The following ATP2A3 variants were observed in gnomAD, a reference collection of about 807,000 sequenced individuals.
ATP2A3 encodes sarcoplasmic/endoplasmic reticulum calcium ATPase 3.
In ATP2A3, 61 loss-of-function variants were observed where a neutral mutation model predicts 106.8. The ratio of observed to expected loss-of-function variants is 0.57; its 90% CI spans 0.46 to 0.71. ATP2A3 has a LOEUF of 0.71. ATP2A3 is among the 30% of genes least tolerant of loss of function. ATP2A3 has a pLI of 0.00. For synonymous variants in ATP2A3, 611 were observed against 609.3 expected (o/e 1.00, Z -0.04); for missense variants, 1,201 against 1,423.5 (o/e 0.84, Z 2.52).
chr17:3,930,678 G>A lies in ATP2A3; in HGVS notation c.2611-244C>T, dbSNP rs35443604. 88,461 of 585,436 alleles carry A rather than the reference G, an allele frequency of 0.15. 10,342 individuals are homozygous for A. The highest frequency in any genetic ancestry group is 0.46 in the African/African-American group (24,343 of 53,246). The allele number at this position is 585,436 out of a possible 1,614,324, so 36.3% of individuals were successfully genotyped here. ...GAAAGGCAGACGTTCTGGAGCAGGA[G>A]TGCAGCGGCTCAGAAGGAGAACAGC... On this transcript the variant is annotated intron_variant, in intron 17 of 20. Transcript: ENST00000397041. The surrounding 1 kb of genome is among the most constrained non-coding windows in gnomAD (Gnocchi z 5.4).
At chr17:3,956,248 C>G (rs1454589691) in intron 1 of ATP2A3, among the ~76,000 whole-genome samples, 1 of 152,208 alleles carries the variant, frequency 6.6e-6, no homozygotes, top group Non-Finnish European at 1.5e-5. Flanking sequence ...CACCCTGACC[C>G]AGGATCCAGT....
At chr17:3,950,657 G>T in intron 6 of ATP2A3, 36 bp downstream of exon 6, 1 of 1,613,374 alleles carries the variant, frequency 6.2e-7, no homozygotes, top group Non-Finnish European at 8.5e-7. Context: ...CTTAGTCCTG[G>T]CCCACTAGGT....
Position 3,929,303 on chromosome 17 carries a change from C to A in ATP2A3, c.2862+25G>T. On this transcript the variant is annotated intron_variant, in intron 19 of 20. Transcript: ENST00000397041. The surrounding 1 kb of genome is among the most constrained non-coding windows in gnomAD (Gnocchi z 4.3). Reference sequence around the variant, plus strand: ...GGCCTGTGATGTCCAGGGACCAGGGCAGTGGGGCAGGCGGGGTGACTCACA... The same window carrying A: ...GGCCTGTGATGTCCAGGGACCAGGGAAGTGGGGCAGGCGGGGTGACTCACA... 1.3e-6 allele frequency: 2 copies of A among 1,534,248 alleles called. No homozygotes were observed. The highest frequency in any genetic ancestry group is 2.0e-5 in the Admixed American group (1 of 50,940).
Position 3,942,739 on chromosome 17 carries a change from G to T in ATP2A3, c.1420-8C>A. 1 of 1,612,064 alleles carries T rather than the reference G, an allele frequency of 6.2e-7. No individual in the cohort carries two copies. Among genetic ancestry groups the T allele is most frequent in the Admixed American group, 1.7e-5 (1 of 60,002 alleles). On this transcript the variant is annotated splice_polypyrimidine_tract_variant and splice_region_variant and intron_variant, in intron 11 of 20. Coordinates refer to ENST00000397041, the MANE Select transcript of ATP2A3 (RefSeq NM_005173.4). ...CATCAGCTGCTTGATGACCTGCGGG[G>T]TCCAGGCAGGTCAGGGCATGAAGGA...
In ATP2A3 at chr17:3,953,070, C is replaced by T. The variant is rs1029589132; in HGVS notation, c.219+277G>A. On this transcript the variant is annotated intron_variant, in intron 3 of 20. Coordinates refer to ENST00000397041, the MANE Select transcript of ATP2A3 (RefSeq NM_005173.4). The surrounding 1 kb of genome is among the most constrained non-coding windows in gnomAD (Gnocchi z 5.1). ...AGAGAAACCCTAGGGTACAGCAGGG[C>T]GGGGCGGGGGGCAGATGTGAGTTGG... Among the ~76,000 whole-genome samples, 2 of 152,098 alleles carry T rather than the reference C, an allele frequency of 1.3e-5. No homozygotes were observed. The highest frequency in any genetic ancestry group is 2.4e-5 in the African/African-American group (1 of 41,486).
At chr17:3,944,116 C>T (rs940885152) in intron 10 of ATP2A3, among the ~76,000 whole-genome samples, 1 of 152,212 alleles carries the variant, frequency 6.6e-6, no homozygotes, top group Non-Finnish European at 1.5e-5. Context: ...ATCTCTCTGG[C>T]CTGAATGACC....
Position 3,929,574 on chromosome 17 carries a change from C to A in ATP2A3, c.2745-129G>T. 2.5e-6 allele frequency: 2 copies of A among 790,578 alleles called. No homozygotes were observed. Among genetic ancestry groups the A allele is most frequent in the Non-Finnish European group, 4.1e-6 (2 of 490,348 alleles). 49.0% of individuals were successfully genotyped at this position (790,578 alleles called of 1,614,324 possible). ...CTGTTGCCCGCTCGGCCTGCCAGGG[C>A]CTGTCCCGGGCTGGGACCCCTTTCT... On this transcript the variant is annotated intron_variant, in intron 18 of 20. Coordinates refer to ENST00000397041, the MANE Select transcript of ATP2A3 (RefSeq NM_005173.4). The surrounding 1 kb of genome is among the most constrained non-coding windows in gnomAD (Gnocchi z 4.3).
In ATP2A3 at chr17:3,936,756, G is replaced by GCGCGCA. The variant is rs1163736792; in HGVS notation, c.2322-288_2322-287insTGCGCG. On this transcript the variant is annotated intron_variant, in intron 15 of 20. Transcript: ENST00000397041. This position sits in a 1 kb window ranked among gnomAD's most constrained non-coding sequence, Gnocchi z 5.4. ...CACACACACACACACACACACACAC[G>GCGCGCA]CACACGAAGAGGGCATGCCCAAGAA... 2.5e-4 allele frequency: 95 copies of GCGCGCA among 378,152 alleles called. 1 individual carries two copies. Among genetic ancestry groups the GCGCGCA allele is most frequent in the African/African-American group, 2.0e-3 (81 of 40,498 alleles). The allele number at this position is 378,152 out of a possible 1,614,324, so 23.4% of individuals were successfully genotyped here. A position where few individuals can be genotyped will look rare whatever the true frequency, so the allele number is the denominator to read the frequency against.
chr17:3,943,196 C>CGGGA (rs2053881778), intron 11 of ATP2A3, among the ~76,000 whole-genome samples, 195 bp downstream of exon 11: 1 of 150,800 alleles, frequency 6.6e-6, no homozygotes, highest in East Asian at 2.0e-4. Flanking sequence ...CACTTGAACC[C>CGGGA]GGGAGGCAGA....
At position 3,925,371 on chromosome 17, in the gene ATP2A3, G is replaced by A. The variant is rs1469341311; in HGVS notation, c.*51C>T. The stretch of plus-strand genomic sequence containing the variant: ...GGTGGGGGGCGGAGGCGAACACATG[G>A]GCACCATCAGTCTGAGGTACACACC... On this transcript the variant is annotated 3_prime_UTR_variant, in exon 21 of 21. Transcript: ENST00000397041. The surrounding 1 kb of genome is among the most constrained non-coding windows in gnomAD (Gnocchi z 4.2). The A allele has an allele frequency of 1.5e-5, 24 of 1,613,606 alleles. No individual in the cohort carries two copies. The highest frequency in any genetic ancestry group is 2.7e-5 in the African/African-American group (2 of 74,872).
Position 3,947,318 on chromosome 17 carries a change from T to G in ATP2A3, c.1095+73A>C, listed in dbSNP as rs1597636529. 1.3e-6 allele frequency: 2 copies of G among 1,554,164 alleles called. No individual in the cohort carries two copies. Among genetic ancestry groups the G allele is most frequent in the Non-Finnish European group, 1.8e-6 (2 of 1,131,004 alleles). On this transcript the variant is annotated intron_variant, in intron 8 of 20. Coordinates refer to ENST00000397041, the MANE Select transcript of ATP2A3 (RefSeq NM_005173.4). The surrounding 1 kb of genome is among the most constrained non-coding windows in gnomAD (Gnocchi z 7.7). ...CCTCCATCCCTCACTGAAAAGGAGG[T>G]GGGGGAGAGACCCAGAGAGGGAGCC...
At chr17:3,957,114 G>A (rs1196973146) in intron 1 of ATP2A3, among the ~76,000 whole-genome samples, 2 of 152,258 alleles carry the variant, frequency 1.3e-5, no homozygotes, top group African/African-American at 2.4e-5. Context: ...GGTGCTTAGC[G>A]GAGGTCATAG....
chr17:3,958,821 C>CATAT (rs1211492319), intron 1 of ATP2A3, among the ~76,000 whole-genome samples: 5 of 112,566 alleles, frequency 4.4e-5, no homozygotes, highest in Non-Finnish European at 8.6e-5. Flanking sequence ...TATATATACA[C>CATAT]ACATATATAT....
At chr17:3,927,585 G>A (rs960086266) in intron 20 of ATP2A3, 3 of 985,334 alleles carry the variant, frequency 3.0e-6, no homozygotes, top group Non-Finnish European at 3.6e-6. Context: ...GGAGTTTCCA[G>A]TGTCTCCCCA....
In ATP2A3 at chr17:3,926,909, A is replaced by G; in HGVS notation, c.2981-1468T>C. On this transcript the variant is annotated intron_variant, in intron 20 of 20. Transcript: ENST00000397041. The surrounding 1 kb of genome is among the most constrained non-coding windows in gnomAD (Gnocchi z 4.6). ...CTCTTGCCTGTCCTCCATGGTTGACACAGTCCGCACCGTGCTTACACTCCT... is the reference window on the plus strand; with the variant it reads ...CTCTTGCCTGTCCTCCATGGTTGACGCAGTCCGCACCGTGCTTACACTCCT... The G allele has an allele frequency of 1.0e-6, 1 of 985,376 alleles. No homozygotes were observed. Among genetic ancestry groups the G allele is most frequent in the Non-Finnish European group, 1.2e-6 (1 of 829,922 alleles). The allele number at this position is 985,376 out of a possible 1,614,324, so 61.0% of individuals were successfully genotyped here. A position where few individuals can be genotyped will look rare whatever the true frequency, so the allele number is the denominator to read the frequency against.
In ATP2A3 at chr17:3,952,073, CTG is replaced by C. The variant is rs201889115; in HGVS notation, c.220-390_220-389del. On this transcript the variant is annotated intron_variant, in intron 3 of 20. Transcript: ENST00000397041. ...AAATTCTGGGGTGGGGCCCAGTCAC[CTG>C]TGTGTCGGCAAGCCTACGGATTCTT... Among the ~76,000 whole-genome samples the C allele has an allele frequency of 7.7e-4, 118 of 152,312 alleles. 1 individual carries two copies. In the East Asian group the frequency reaches 0.019, roughly 25 times the overall value.
At position 3,953,174 on chromosome 17, in the gene ATP2A3, G is replaced by T; in HGVS notation, c.219+173C>A. 1 of 729,950 alleles carries T rather than the reference G, an allele frequency of 1.4e-6. No individual in the cohort carries two copies. Among genetic ancestry groups the T allele is most frequent in the East Asian group, 2.6e-5 (1 of 37,858 alleles). The allele number at this position is 729,950 out of a possible 1,614,324, so 45.2% of individuals were successfully genotyped here. A position where few individuals can be genotyped will look rare whatever the true frequency, so the allele number is the denominator to read the frequency against. ...CGGGGACCCAATGTAGGGGCCATGA[G>T]GGTTCAGGCAAGGGAAGCTGAAGTC... On this transcript the variant is annotated intron_variant, in intron 3 of 20. Coordinates refer to ENST00000397041, the MANE Select transcript of ATP2A3 (RefSeq NM_005173.4). This position sits in a 1 kb window ranked among gnomAD's most constrained non-coding sequence, Gnocchi z 5.1.
In ATP2A3 at chr17:3,929,757, C is replaced by G. The variant is rs907291403; in HGVS notation, c.2745-312G>C. On this transcript the variant is annotated intron_variant, in intron 18 of 20. Coordinates refer to ENST00000397041, the MANE Select transcript of ATP2A3 (RefSeq NM_005173.4). This position sits in a 1 kb window ranked among gnomAD's most constrained non-coding sequence, Gnocchi z 4.3. ...TCCAGATCCCCAAATCTTTGGATCC[C>G]AATCTTGGACCCCCACTGACCCCCA... Among the ~76,000 whole-genome samples the G allele has an allele frequency of 7.2e-5, 11 of 152,110 alleles. No homozygotes were observed. Among genetic ancestry groups the G allele is most frequent in the African/African-American group, 2.7e-4 (11 of 41,402 alleles).
Position 3,926,095 on chromosome 17 carries a change from G to A in ATP2A3, c.2981-654C>T, listed in dbSNP as rs951639219. Among the ~76,000 whole-genome samples, 2 of 151,456 alleles carry A rather than the reference G, an allele frequency of 1.3e-5. No homozygotes were observed. Among genetic ancestry groups the A allele is most frequent in the Non-Finnish European group, 2.9e-5 (2 of 67,846 alleles). On this transcript the variant is annotated intron_variant, in intron 20 of 20. Coordinates refer to ENST00000397041, the MANE Select transcript of ATP2A3 (RefSeq NM_005173.4). The surrounding 1 kb of genome is among the most constrained non-coding windows in gnomAD (Gnocchi z 4.6). ...CTCAGCCACACCTGGGCAGAGCCAG[G>A]AGGTGGGGTGAGAGGACCGCCCCCA...
Sources: allele counts gnomAD v4.1 joint callset (sites outside exome capture counted in the v4.1 genomes callset), GRCh38; gene constraint gnomAD v4.1.1; non-coding constraint Gnocchi (gnomAD v3.1); transcripts MANE v1.5; gene names NCBI Gene and HGNC (gene_info 2026-07-23, HGNC 2026-07-21).